The following COL28A1 variants were observed in gnomAD, a reference collection of about 807,000 sequenced individuals.
COL28A1 encodes collagen alpha-1(XXVIII) chain.
A neutral mutation model predicts 150.2 loss-of-function variants in COL28A1; 161 were observed. That is an observed-to-expected ratio of 1.07 (90% CI 0.94 to 1.22). COL28A1 has a LOEUF of 1.22. Ranked by LOEUF, COL28A1 falls within the 50% of genes most tolerant of loss-of-function variation. COL28A1 has a pLI of 0.00. For synonymous variants in COL28A1, 552 were observed against 469.7 expected, an observed-to-expected ratio of 1.18 and a Z score of -2.26; for missense variants, 1,617 against 1,388.3, an observed-to-expected ratio of 1.16 and a Z score of -2.62.
chr7:7,532,675 C>T, intron 2 of COL28A1, 77 bp downstream of exon 2: 4 of 1,531,646 alleles, frequency 2.6e-6, no homozygotes, highest in Non-Finnish European at 3.5e-6. Context: ...CTATTTATAT[C>T]AAATGCTATT....
At chr7:7,501,049 C>A (rs763668557) in intron 11 of COL28A1, among the ~76,000 whole-genome samples, 16 of 152,294 alleles carry the variant, frequency 1.1e-4, no homozygotes, top group Middle Eastern at 3.4e-3. Context: ...ATTTATTAAA[C>A]TGGGCCAGTC....
chr7:7,422,995 T>A (rs914418529), intron 25 of COL28A1, among the ~76,000 whole-genome samples: 10 of 152,320 alleles, frequency 6.6e-5, no homozygotes, highest in African/African-American at 2.4e-4. Flanking sequence ...TGGGCATGAT[T>A]TGGATCCCAA....
chr7:7,535,237 T>C (rs1782580726), intron 1 of COL28A1, among the ~76,000 whole-genome samples: 1 of 152,178 alleles, frequency 6.6e-6, no homozygotes, highest in Non-Finnish European at 1.5e-5. Flanking sequence ...TGGCCTAAAA[T>C]TTATTTGGGG....
At chr7:7,374,048 T>A (rs1349373354) in intron 31 of COL28A1, among the ~76,000 whole-genome samples, 19 of 134,588 alleles carry the variant, frequency 1.4e-4, no homozygotes, top group African/African-American at 6.0e-4. Context: ...AATATATATA[T>A]ATATATATAT....
intron 27 of COL28A1, among the ~76,000 whole-genome samples, chr7:7,415,860 T>G (rs997708743): frequency 3.3e-5 from 5 of 152,060 alleles, no homozygotes; most frequent in Admixed American, 3.3e-4. Context: ...TGGAGTACAG[T>G]GGCACTATCT....
intron 23 of COL28A1, among the ~76,000 whole-genome samples, chr7:7,435,335 T>C (rs1450019366): frequency 1.3e-5 from 2 of 152,250 alleles, no homozygotes; most frequent in Non-Finnish European, 2.9e-5. Context: ...AAATTTGCTA[T>C]TGTCCCCATG....
the COL28A1 span, among the ~76,000 whole-genome samples, chr7:7,339,794 G>A: frequency 6.6e-6 from 1 of 152,138 alleles, no homozygotes; most frequent in East Asian, 1.9e-4. Flanking sequence ...TACTGGACGA[G>A]AACATGTAAG....
At chr7:7,372,574 C>G (rs1361419577) in intron 32 of COL28A1, among the ~76,000 whole-genome samples, 1 of 152,040 alleles carries the variant, frequency 6.6e-6, no homozygotes, top group Non-Finnish European at 1.5e-5. Context: ...TTTAGATGAC[C>G]ATAACTTTTT....
At chr7:7,415,467 G>C (rs1003856362) in intron 27 of COL28A1, among the ~76,000 whole-genome samples, 1 of 152,224 alleles carries the variant, frequency 6.6e-6, no homozygotes, top group South Asian at 2.1e-4. Flanking sequence ...AGTCCTGAGG[G>C]ACGAACCTCT....
chr7:7,515,771 C>A (rs771484956), intron 8 of COL28A1, 43 bp downstream of exon 8: 10 of 877,308 alleles, frequency 1.1e-5, no homozygotes, highest in Non-Finnish European at 1.9e-5. Context: ...TTCTGTTTTT[C>A]TTTTTGAAAT....
intron 30 of COL28A1, among the ~76,000 whole-genome samples, chr7:7,378,469 C>G (rs1017966628): frequency 3.2e-4 from 48 of 152,232 alleles, no homozygotes; most frequent in African/African-American, 1.1e-3. Context: ...GAAACAGAGT[C>G]TTTTCAAATA....
chr7:7,432,433 A>G (rs1785035962), intron 25 of COL28A1, 40 bp downstream of exon 25: 1 of 1,558,602 alleles, frequency 6.4e-7, no homozygotes, highest in African/African-American at 1.4e-5. Flanking sequence ...CTATAGGTGC[A>G]CTCTTAGAAG....
intron 7 of COL28A1, among the ~76,000 whole-genome samples, chr7:7,517,396 T>C (rs1013056565): frequency 1.3e-5 from 2 of 152,178 alleles, no homozygotes; most frequent in Non-Finnish European, 2.9e-5. Context: ...AATAGAATGG[T>C]AAATTTTATT....
intron 18 of COL28A1, among the ~76,000 whole-genome samples, chr7:7,449,714 T>C (rs1040527814): frequency 5.3e-5 from 8 of 151,962 alleles, no homozygotes; most frequent in Non-Finnish European, 1.0e-4. Flanking sequence ...AATTCTCCTA[T>C]AGACCTATAC....
intron 11 of COL28A1, among the ~76,000 whole-genome samples, chr7:7,495,794 C>A (rs777538126): frequency 7.2e-5 from 11 of 152,200 alleles, no homozygotes; most frequent in Non-Finnish European, 1.2e-4. Context: ...CCCACTCTAG[C>A]ATGCTCCAAT....
At chr7:7,488,617 C>T (rs1487821407) in intron 13 of COL28A1, among the ~76,000 whole-genome samples, 1 of 152,190 alleles carries the variant, frequency 6.6e-6, no homozygotes, top group Non-Finnish European at 1.5e-5. Flanking sequence ...TCTCCAACAA[C>T]AGTAAACTTC....
At chr7:7,440,930 C>T in intron 20 of COL28A1, 69 bp from the exon 21 acceptor site, 1 of 777,464 alleles carries the variant, frequency 1.3e-6, no homozygotes. Flanking sequence ...CTAGCAAGGA[C>T]CATAGCGGAG....
chr7:7,518,405 G>A (rs1398876011), intron 6 of COL28A1, among the ~76,000 whole-genome samples: 1 of 152,162 alleles, frequency 6.6e-6, no homozygotes, highest in Admixed American at 6.6e-5. Context: ...ATGTTGTAAA[G>A]CTATCCAAGG....
intron 20 of COL28A1, among the ~76,000 whole-genome samples, 187 bp downstream of exon 20, chr7:7,443,398 T>C (rs1189880197): frequency 6.6e-6 from 1 of 151,702 alleles, no homozygotes; most frequent in Non-Finnish European, 1.5e-5. Flanking sequence ...CAATAGACGT[T>C]AGGAAAATAA....
Sources: allele counts gnomAD v4.1 joint callset (sites outside exome capture counted in the v4.1 genomes callset), GRCh38; gene constraint gnomAD v4.1.1; transcripts MANE v1.5; gene names NCBI Gene and HGNC (gene_info 2026-07-23, HGNC 2026-07-21).